ANK3: variants seen among roughly 807,000 people sequenced by gnomAD.
The protein encoded by ANK3 is ankyrin-3.
Under a neutral mutation model 370.9 loss-of-function variants are expected in ANK3, and 57 were observed. The observed-to-expected ratio is 0.15, with a 90% confidence interval of 0.12 to 0.19. The LOEUF is 0.19. ANK3 is among the 10% of genes least tolerant of loss of function. The pLI, the probability that ANK3 is intolerant of heterozygous loss-of-function variation, is 1.00. For synonymous variants in ANK3, 1,929 were observed against 1,946.3 expected (o/e 0.99, Z 0.23); for missense variants, 4,439 against 5,302.1 (o/e 0.84, Z 5.06).
intron 1 of ANK3, among the ~76,000 whole-genome samples, chr10:60,302,957 C>G (rs2044159381): frequency 6.6e-6 from 1 of 152,026 alleles, no homozygotes; most frequent in Non-Finnish European, 1.5e-5. Flanking sequence ...GCACAATGGG[C>G]AAAGAATAGT....
Position 60,086,752 on chromosome 10 carries a change from G to A in ANK3, c.3673C>T (p.Pro1225Ser), listed in dbSNP as rs1172697148. The change falls in exon 30 of 44, where the codon CCC becomes TCC. Residue 1225 changes from proline (P) to serine (S), a missense_variant. Pro to Ser is a moderately conservative substitution (Grantham distance 74). Around this residue, in one of 13 missense-constraint regions of ANK3, gnomAD observed 702 missense variants for 941.5 expected, o/e 0.75. Transcript: ENST00000280772. ...PITMTIPVPP[P>S]SGEGVSNGYK... The stretch of plus-strand genomic sequence containing the variant: ...CCATTGGATACACCTTCTCCTGAGG[G>A]CGGGGGCACCGGAATGGTCATTGTG... 6.2e-7 allele frequency: 1 copy of A among 1,614,026 alleles called. No homozygotes were observed. Among genetic ancestry groups the A allele is most frequent in the Non-Finnish European group, 8.5e-7 (1 of 1,179,986 alleles).
chr10:60,156,313 C>T (rs1162654825), intron 23 of ANK3, among the ~76,000 whole-genome samples: 1 of 152,184 alleles, frequency 6.6e-6, no homozygotes, highest in East Asian at 1.9e-4. Flanking sequence ...GATTCCATGC[C>T]TTTGTTTCTG....
At chr10:60,087,225 A>T (rs575840225) in intron 29 of ANK3, among the ~76,000 whole-genome samples, 2 of 152,256 alleles carry the variant, frequency 1.3e-5, no homozygotes, top group African/African-American at 4.8e-5. Context: ...TATATTTTAA[A>T]CCTATGCAGG....
chr10:60,281,018 G>T (rs2098154576), intron 1 of ANK3, among the ~76,000 whole-genome samples: 1 of 152,170 alleles, frequency 6.6e-6, no homozygotes, highest in South Asian at 2.1e-4. Context: ...AAGCAGCCAG[G>T]ATGCCAGTCT....
chr10:60,375,066 A>G (rs1037083485), intron 1 of ANK3, among the ~76,000 whole-genome samples: 14 of 152,322 alleles, frequency 9.2e-5, no homozygotes, highest in Non-Finnish European at 2.1e-4. Context: ...GAAAAAATCT[A>G]TTTCAAAATG....
intron 1 of ANK3, among the ~76,000 whole-genome samples, chr10:60,667,005 C>A (rs1180820054): frequency 2.0e-5 from 3 of 151,902 alleles, no homozygotes; most frequent in African/African-American, 4.8e-5. Flanking sequence ...ACAATGAATT[C>A]TTCATATAAG....
At chr10:60,579,430 G>A (rs575444679) in intron 2 of ANK3, among the ~76,000 whole-genome samples, 35 of 151,174 alleles carry the variant, frequency 2.3e-4, no homozygotes, top group African/African-American at 8.5e-4. Context: ...AGAGGAATGA[G>A]TTATTGAAGT....
chr10:60,415,924 C>CCT (rs1491572092), intron 2 of ANK3, among the ~76,000 whole-genome samples: 3 of 113,296 alleles, frequency 2.6e-5, no homozygotes, highest in African/African-American at 3.8e-5. Context: ...GTGCCCCCCA[C>CCT]CCCCCCGCCA....
rs750384975 is a variant in ANK3, at chr10:60,583,511, G to GTTTTTTTTTTTTTTTTTTTTTTTTT, written c.96+31674_96+31675insAAAAAAAAAAAAAAAAAAAAAAAAA. On this transcript the variant is annotated intron_variant, in intron 2 of 43. Coordinates refer to the ANK3 transcript ENST00000373827. ...CATATAGCTTACAGAGAGGTTTTTT[G>GTTTTTTTTTTTTTTTTTTTTTTTTT]TTTTTTGTTTTTTGTTTTTTTTTGA... is the stretch of plus-strand genomic sequence containing the variant. 2.0e-5 allele frequency among the ~76,000 whole-genome samples: 2 copies of GTTTTTTTTTTTTTTTTTTTTTTTTT among 100,078 alleles called. 1 individual carries two copies. The allele number at this position is 100,078 out of a possible 152,430, so 65.7% of individuals were successfully genotyped here.
At chr10:60,640,136 G>A (rs2078611302) in intron 1 of ANK3, among the ~76,000 whole-genome samples, 1 of 151,966 alleles carries the variant, frequency 6.6e-6, no homozygotes, top group African/African-American at 2.4e-5. Flanking sequence ...TATAATTGTG[G>A]CAATAATCAA....
chr10:60,144,041 A>C (rs1590777039), intron 23 of ANK3: 1 of 261,310 alleles, frequency 3.8e-6, no homozygotes, highest in East Asian at 1.5e-4. Flanking sequence ...CTGAGGTGTC[A>C]GACCTTTGAA....
chr10:60,537,364 GAACATACT>G (rs2076747581), intron 2 of ANK3, among the ~76,000 whole-genome samples: 2 of 151,848 alleles, frequency 1.3e-5, no homozygotes, highest in African/African-American at 4.8e-5. Context: ...TGTATTTCTT[GAACATACT>G]AATTATTTTA....
At position 60,084,623 on chromosome 10, in the gene ANK3, G is replaced by A. The variant is rs765459867; in HGVS notation, c.4053C>T (p.Val1351=). 6.2e-6 allele frequency: 10 copies of A among 1,613,672 alleles called. No homozygotes were observed. The East Asian group carries it at 6.7e-5, about 11-fold the overall frequency. ...TLEQQENFEE[V]ARSKDIEVLE... is the part of the protein sequence containing the mutation. ...GTACCTCAATATCTTTGCTTCTTGC[G>A]ACTTCCTCAAAATTCTCTTGTTGCT... The change falls in exon 32 of 44, where the codon GTC becomes GTT. Residue 1351 remains valine, a synonymous_variant. Transcript: ENST00000280772.
intron 1 of ANK3, among the ~76,000 whole-genome samples, chr10:60,338,383 C>T (rs1434431380): frequency 3.3e-5 from 5 of 152,150 alleles, no homozygotes; most frequent in African/African-American, 9.7e-5. Context: ...TGATTCAATA[C>T]ACCTGGACTG....
intron 33 of ANK3, 116 bp from the exon 34 acceptor site, chr10:60,082,853 A>G: frequency 8.2e-7 from 1 of 1,225,298 alleles, no homozygotes; most frequent in Non-Finnish European, 1.1e-6. Flanking sequence ...GGAAAGGTAA[A>G]GGGAAAAGAT....
At chr10:60,032,129 CT>C (rs1328753994) in intron 43 of ANK3, among the ~76,000 whole-genome samples, 1 of 150,332 alleles carries the variant, frequency 6.7e-6, no homozygotes, top group East Asian at 1.9e-4. Flanking sequence ...ACCCCTCCCC[CT>C]GACTTTTTGA....
chr10:60,378,023 A>G (rs530609896), intron 1 of ANK3, among the ~76,000 whole-genome samples: 1 of 152,294 alleles, frequency 6.6e-6, no homozygotes, highest in African/African-American at 2.4e-5. Flanking sequence ...CAATTTTTTG[A>G]GAAATTTAGT....
chr10:60,179,239 A>G (rs948199677), intron 18 of ANK3, among the ~76,000 whole-genome samples: 4 of 152,182 alleles, frequency 2.6e-5, no homozygotes, highest in Non-Finnish European at 4.4e-5. Flanking sequence ...TGGGACAATC[A>G]TGGCTTCACT....
intron 24 of ANK3, among the ~76,000 whole-genome samples, chr10:60,137,153 T>C (rs1590652548): frequency 6.6e-6 from 1 of 152,168 alleles, no homozygotes; most frequent in Non-Finnish European, 1.5e-5. Flanking sequence ...GTAATATTTA[T>C]TATATACTTT....
Sources: gnomAD v4.1 joint callset for allele counts (sites outside exome capture counted in the v4.1 genomes callset) on GRCh38, gnomAD v4.1.1 for gene constraint, gnomAD v4.1.1 regional missense constraint, MANE v1.5 for transcripts, NCBI Gene and HGNC (gene_info 2026-07-23, HGNC 2026-07-21) for gene names.